The following STRN variants were observed in gnomAD, a reference collection of about 807,000 sequenced individuals.
The protein encoded by STRN is protein phosphatase 2 regulatory subunit B'''alpha.
In STRN, 53 loss-of-function variants were observed where a neutral mutation model predicts 96.3. That is an observed-to-expected ratio of 0.55 (90% CI 0.44 to 0.69). STRN has a LOEUF of 0.69. Ranked by LOEUF, STRN falls within the 30% of genes least tolerant of loss-of-function variation. STRN has a pLI of 0.00. For missense variants in STRN, 987 were observed against 963.9 expected (o/e 1.02, Z -0.32); for synonymous variants, 428 against 355.9 (o/e 1.20, Z -2.28).
intron 1 of STRN, among the ~76,000 whole-genome samples, chr2:36,959,942 A>G (rs981303140): frequency 6.6e-6 from 1 of 152,206 alleles, no homozygotes; most frequent in Non-Finnish European, 1.5e-5. Context: ...ATTATAGCTA[A>G]GGTTGAGAAA....
At chr2:36,928,254 A>G (rs1670469123) in intron 1 of STRN, among the ~76,000 whole-genome samples, 1 of 152,240 alleles carries the variant, frequency 6.6e-6, no homozygotes. Context: ...ATATGGCAGT[A>G]TATTGCTCTT....
rs1158709835 is a variant in STRN at position 36,957,742 on chromosome 2, G to GTTTTTTTTTTTT, written c.234+8487_234+8488insAAAAAAAAAAAA. On this transcript the variant is annotated intron_variant, in intron 1 of 17. Transcript: ENST00000263918. ...GATTAGTCTCATAGTTCTTCTTTTT[G>GTTTTTTTTTTTT]TCTTTTTTTTTTTTTTTTTTTTTTT... Among the ~76,000 whole-genome samples, 58 of 103,114 alleles carry GTTTTTTTTTTTT rather than the reference G, an allele frequency of 5.6e-4. 3 individuals are homozygous for GTTTTTTTTTTTT. Among genetic ancestry groups the GTTTTTTTTTTTT allele is most frequent in the Non-Finnish European group, 8.3e-4 (43 of 51,658 alleles). The allele number at this position is 103,114 out of a possible 152,430, so 67.6% of individuals were successfully genotyped here. A position where few individuals can be genotyped will look rare whatever the true frequency, so the allele number is the denominator to read the frequency against.
chr2:36,849,987 C>CA (rs1282738697), intron 16 of STRN, among the ~76,000 whole-genome samples, 187 bp from the exon 17 acceptor site: 4 of 151,868 alleles, frequency 2.6e-5, no homozygotes. Context: ...TATGGAAAAC[C>CA]AAAAAAAGCT....
At chr2:36,926,205 G>A (rs552919222) in intron 1 of STRN, among the ~76,000 whole-genome samples, 6 of 152,260 alleles carry the variant, frequency 3.9e-5, no homozygotes, top group African/African-American at 1.4e-4. Context: ...TAAAACAGAG[G>A]GGTAGGAAAG....
chr2:36,841,648 A>G lies in STRN; in HGVS notation c.*7808T>C, dbSNP rs1001382821. 15 of 152,242 alleles carry G rather than the reference A, an allele frequency of 9.9e-5. 1 individual carries two copies. The highest frequency in any genetic ancestry group is 1.6e-4 in the Non-Finnish European group (11 of 68,048). The allele number at this position is 152,242 out of a possible 1,614,324, so 9.4% of individuals were successfully genotyped here. ...GAGATTATCACTTGGCTACTTTAGG[A>G]TATTTCTTACATGCCTGGTCTTCAT... On this transcript the variant is annotated 3_prime_UTR_variant, in exon 18 of 18. Transcript: ENST00000263918.
intron 4 of STRN, 43 bp from the exon 5 acceptor site, chr2:36,902,794 G>C (rs368412823): frequency 2.0e-6 from 3 of 1,476,920 alleles, no homozygotes; most frequent in African/African-American, 2.8e-5. Context: ...ACTGGAATCA[G>C]TATTCTATAA....
chr2:36,915,194 C>T (rs1169779871), intron 3 of STRN, among the ~76,000 whole-genome samples: 2 of 116,158 alleles, frequency 1.7e-5, no homozygotes, highest in Admixed American at 2.1e-4. Context: ...AAGACTCCGT[C>T]TCAAAAAAAA....
At chr2:36,869,753 T>C in intron 10 of STRN, 24 bp from the exon 11 acceptor site, 1 of 1,513,314 alleles carries the variant, frequency 6.6e-7, no homozygotes, top group Non-Finnish European at 8.9e-7. Flanking sequence ...AAAACAAAGA[T>C]ATCTACACAC....
chr2:36,942,648 G>A (rs955873070), intron 1 of STRN, among the ~76,000 whole-genome samples: 2 of 152,144 alleles, frequency 1.3e-5, no homozygotes, highest in African/African-American at 4.8e-5. Context: ...CAAGGTATGA[G>A]GGTAAAGTTC....
chr2:36,848,580 C>T lies in STRN; in HGVS notation c.*876G>A, dbSNP rs754767087. The T allele has an allele frequency of 6.6e-6, 1 of 152,138 alleles. No homozygotes were observed. The highest frequency in any genetic ancestry group is 1.5e-5 in the Non-Finnish European group (1 of 68,022). 9.4% of individuals were successfully genotyped at this position (152,138 alleles called of 1,614,324 possible). A position where few individuals can be genotyped will look rare whatever the true frequency, so the allele number is the denominator to read the frequency against. On this transcript the variant is annotated 3_prime_UTR_variant, in exon 18 of 18. Transcript: ENST00000263918. ...ATTTCATTGGTATGAAATAATCACT[C>T]TGGTACTATAAATGTCACATGAATA... is the stretch of plus-strand genomic sequence containing the variant.
intron 3 of STRN, among the ~76,000 whole-genome samples, chr2:36,912,622 T>C (rs574636531): frequency 1.3e-5 from 2 of 152,344 alleles, no homozygotes; most frequent in African/African-American, 4.8e-5. Flanking sequence ...CCATTTTTTG[T>C]AATCTTACCT....
Position 36,959,290 on chromosome 2 carries a change from G to C in STRN, c.234+6940C>G, listed in dbSNP as rs191374457. On this transcript the variant is annotated intron_variant, in intron 1 of 17. Coordinates refer to ENST00000263918, the MANE Select transcript of STRN (RefSeq NM_003162.4). ...AATAAATAAGCATCAGTGTGGCTCTGCTTACCTCAGAAGGTTGTACAGTTT... is the reference window on the plus strand; with the variant it reads ...AATAAATAAGCATCAGTGTGGCTCTCCTTACCTCAGAAGGTTGTACAGTTT... 4.6e-3 allele frequency among the ~76,000 whole-genome samples: 702 copies of C among 152,262 alleles called. 3 individuals carry two copies. Among genetic ancestry groups the C allele is most frequent in the Admixed American group, 7.3e-3 (112 of 15,296 alleles).
intron 10 of STRN, among the ~76,000 whole-genome samples, chr2:36,877,589 G>T (rs182510861): frequency 5.1e-4 from 78 of 152,304 alleles, no homozygotes; most frequent in African/African-American, 1.8e-3. Flanking sequence ...AGGCTGGAGT[G>T]CAGTGGTGCG....
chr2:36,892,622 A>T (rs1669429784), intron 7 of STRN, among the ~76,000 whole-genome samples: 1 of 152,212 alleles, frequency 6.6e-6, no homozygotes, highest in Non-Finnish European at 1.5e-5. Flanking sequence ...TAATTTTAAA[A>T]TTCATATGGA....
At chr2:36,918,586 A>G (rs1670170399) in intron 2 of STRN, among the ~76,000 whole-genome samples, 1 of 152,166 alleles carries the variant, frequency 6.6e-6, no homozygotes, top group Non-Finnish European at 1.5e-5. Context: ...AAAAATAAAT[A>G]TAACAAAAAC....
rs541618380 is a variant in STRN, at chr2:36,925,670, G to A, written c.235-462C>T. On this transcript the variant is annotated intron_variant, in intron 1 of 17. Coordinates refer to ENST00000263918, the MANE Select transcript of STRN (RefSeq NM_003162.4). ...CACCTGTAATCCCAGCTACTCGGGA[G>A]GCTTAGGCAGGAGAATTGCTTGAAC... Among the ~76,000 whole-genome samples the A allele has an allele frequency of 2.0e-5, 3 of 152,180 alleles. No homozygotes were observed. The East Asian group carries it at 5.8e-4, about 29-fold the overall frequency.
chr2:36,874,295 C>T (rs955961714), intron 10 of STRN, among the ~76,000 whole-genome samples: 4 of 150,458 alleles, frequency 2.7e-5, no homozygotes, highest in African/African-American at 9.8e-5. Context: ...AACTGTAAGA[C>T]CTCAATAGAC....
At position 36,838,836 on chromosome 2, in the gene STRN, C is replaced by T. The variant is rs1441475793; in HGVS notation, c.*10620G>A. Among the ~76,000 whole-genome samples the T allele has an allele frequency of 1.3e-5, 2 of 152,154 alleles. No homozygotes were observed. The highest frequency in any genetic ancestry group is 4.8e-5 in the African/African-American group (2 of 41,440). Reference sequence around the variant, plus strand: ...TAGACTTAGAGAAATTCTCATCCTACATTGTTAAATGAGAAATGTGAGATG... The same window carrying T: ...TAGACTTAGAGAAATTCTCATCCTATATTGTTAAATGAGAAATGTGAGATG... On this transcript the variant is annotated 3_prime_UTR_variant, in exon 18 of 18. Coordinates refer to ENST00000263918, the MANE Select transcript of STRN (RefSeq NM_003162.4).
At chr2:36,929,376 C>T (rs1416782849) in intron 1 of STRN, among the ~76,000 whole-genome samples, 5 of 150,492 alleles carry the variant, frequency 3.3e-5, no homozygotes, top group Admixed American at 3.3e-4. Flanking sequence ...TTTATTAAAG[C>T]CCCCCCACCC....
Sources: allele counts gnomAD v4.1 joint callset (sites outside exome capture counted in the v4.1 genomes callset), GRCh38; gene constraint gnomAD v4.1.1; transcripts MANE v1.5; gene names NCBI Gene and HGNC (gene_info 2026-07-23, HGNC 2026-07-21).